DNAJC12: variants seen among roughly 807,000 people sequenced by gnomAD.
DNAJC12 encodes the protein DnaJ heat shock protein family (Hsp40) member C12.
Under a neutral mutation model 28.5 loss-of-function variants are expected in DNAJC12, and 25 were observed. That is an observed-to-expected ratio of 0.88 (90% confidence interval 0.64 to 1.22). The LOEUF (loss-of-function observed/expected upper bound fraction) is 1.22. Ranked by LOEUF, DNAJC12 falls within the 50% of genes most tolerant of loss-of-function variation. The pLI, the probability that DNAJC12 is intolerant of heterozygous loss-of-function variation, is 0.00. For synonymous variants in DNAJC12, 77 were observed against 80.6 expected, an observed-to-expected ratio of 0.95 and a Z score of 0.24; for missense variants, 222 against 231.7, an observed-to-expected ratio of 0.96 and a Z score of 0.27.
intron 1 of DNAJC12, among the ~76,000 whole-genome samples, chr10:67,828,536 C>T (rs1479151562): frequency 6.6e-6 from 1 of 152,134 alleles, no homozygotes; most frequent in African/African-American, 2.4e-5. Context: ...CTGTAATTAA[C>T]TATGTGTTTC....
intron 1 of DNAJC12, among the ~76,000 whole-genome samples, chr10:67,833,098 TA>T (rs1225756264): frequency 2.6e-5 from 4 of 152,104 alleles, no homozygotes; most frequent in Admixed American, 2.6e-4. Flanking sequence ...TGGAGGTCAT[TA>T]AGGGTTAAGC....
At chr10:67,816,135 T>A in intron 2 of DNAJC12, 1 of 398,444 alleles carries the variant, frequency 2.5e-6, no homozygotes, top group Non-Finnish European at 4.4e-6. Context: ...TGGGTCTACC[T>A]TCAAAATATA....
chr10:67,801,713 C>G (rs1428962612), intron 4 of DNAJC12, among the ~76,000 whole-genome samples: 1 of 151,134 alleles, frequency 6.6e-6, no homozygotes, highest in Non-Finnish European at 1.5e-5. Flanking sequence ...TCTCTTGAAC[C>G]CAGGAGGTGG....
intron 4 of DNAJC12, among the ~76,000 whole-genome samples, chr10:67,800,545 G>T (rs551877283): frequency 1.3e-5 from 2 of 152,338 alleles, no homozygotes; most frequent in African/African-American, 2.4e-5. Context: ...GCCAGAGCAA[G>T]CCCTCTGGCA....
intron 2 of DNAJC12, among the ~76,000 whole-genome samples, chr10:67,813,155 G>A (rs1337940331): frequency 6.6e-6 from 1 of 152,120 alleles, no homozygotes; most frequent in Non-Finnish European, 1.5e-5. Flanking sequence ...CCTAATAAAA[G>A]AAACCCAGAC....
intron 4 of DNAJC12, among the ~76,000 whole-genome samples, chr10:67,797,569 G>A (rs561556136): frequency 2.0e-5 from 3 of 152,198 alleles, no homozygotes; most frequent in South Asian, 4.1e-4. Context: ...CAAAAGGATC[G>A]CTTGAAATAC....
chr10:67,798,448 G>C (rs140675973), intron 4 of DNAJC12, among the ~76,000 whole-genome samples: 5,396 of 152,132 alleles, frequency 0.035, 125 homozygotes, highest in Middle Eastern at 0.078. Flanking sequence ...GGGAGGCCGA[G>C]GCAGGTGCCT....
intron 2 of DNAJC12, among the ~76,000 whole-genome samples, chr10:67,819,363 G>A (rs925664365): frequency 6.6e-6 from 1 of 151,840 alleles, no homozygotes; most frequent in Non-Finnish European, 1.5e-5. Flanking sequence ...TTCGGGCTAG[G>A]CTCGGTGGCA....
chr10:67,833,937 A>G, intron 1 of DNAJC12: 13 of 471,200 alleles, frequency 2.8e-5, no homozygotes, highest in South Asian at 1.9e-4. Flanking sequence ...ACCCAAAATG[A>G]CAAAACAAGA....
intron 1 of DNAJC12, among the ~76,000 whole-genome samples, chr10:67,826,495 A>G (rs894666484): frequency 1.4e-5 from 2 of 145,192 alleles, no homozygotes; most frequent in African/African-American, 5.0e-5. Context: ...ATGCTTATAT[A>G]TATGCATATA....
chr10:67,810,508 G>A lies in DNAJC12; in HGVS notation c.297+1016C>T, dbSNP rs118182469. 7.6e-3 allele frequency among the ~76,000 whole-genome samples: 1,154 copies of A among 152,236 alleles called. 7 individuals are homozygous for A. Among genetic ancestry groups the A allele is most frequent in the Non-Finnish European group, 0.012 (836 of 68,004 alleles). ...GATTTGTCCTGCCTTGTGGGTATAG[G>A]GACTAATAATGTTCCCAAACAATGC... On this transcript the variant is annotated intron_variant, in intron 3 of 4. Coordinates refer to ENST00000225171, the MANE Select transcript of DNAJC12 (RefSeq NM_021800.3).
chr10:67,820,778 T>G (rs1333035255), intron 2 of DNAJC12, among the ~76,000 whole-genome samples: 1 of 11,160 alleles, frequency 9.0e-5, no homozygotes, highest in Non-Finnish European at 3.0e-4. Context: ...TCTTTTTTCC[T>G]TTTTTTTTTT....
intron 4 of DNAJC12, among the ~76,000 whole-genome samples, chr10:67,800,851 G>A (rs868215895): frequency 3.3e-4 from 50 of 152,042 alleles, no homozygotes; most frequent in African/African-American, 1.1e-3. Context: ...GGCTGAGGCA[G>A]GAGAATAGCT....
At chr10:67,809,816 A>G (rs982641805) in intron 3 of DNAJC12, among the ~76,000 whole-genome samples, 2 of 152,182 alleles carry the variant, frequency 1.3e-5, no homozygotes, top group Non-Finnish European at 2.9e-5. Context: ...AGAGTGGTAT[A>G]ATATAATGGA....
intron 2 of DNAJC12, among the ~76,000 whole-genome samples, chr10:67,819,757 A>AGGGAGGGAGG (rs1386763255): frequency 3.1e-4 from 5 of 16,090 alleles, no homozygotes; most frequent in East Asian, 1.5e-3. Context: ...GAAGGAAGGA[A>AGGGAGGGAGG]GGAAGGAAGG....
chr10:67,819,124 G>C (rs1246932151), intron 2 of DNAJC12, among the ~76,000 whole-genome samples: 2 of 152,088 alleles, frequency 1.3e-5, no homozygotes, highest in Non-Finnish European at 2.9e-5. Context: ...ACGAGGTCAG[G>C]AGATTGAGAC....
chr10:67,823,025 T>C (rs1841995443), intron 2 of DNAJC12, among the ~76,000 whole-genome samples: 1 of 151,500 alleles, frequency 6.6e-6, no homozygotes, highest in African/African-American at 2.4e-5. Context: ...GTTACAAATA[T>C]ACTTAAGTTA....
At chr10:67,821,063 G>A in intron 2 of DNAJC12, among the ~76,000 whole-genome samples, 1 of 151,886 alleles carries the variant, frequency 6.6e-6, no homozygotes, top group Non-Finnish European at 1.5e-5. Flanking sequence ...AATTACAGGT[G>A]TGAGCCACTG....
intron 1 of DNAJC12, among the ~76,000 whole-genome samples, chr10:67,830,469 G>A (rs1395992290): frequency 6.6e-6 from 1 of 151,238 alleles, no homozygotes; most frequent in Non-Finnish European, 1.5e-5. Flanking sequence ...TTAGCTGGGC[G>A]TGGTGGCAGG....
Sources: allele counts gnomAD v4.1 joint callset (sites outside exome capture counted in the v4.1 genomes callset), GRCh38; gene constraint gnomAD v4.1.1; transcripts MANE v1.5; gene names NCBI Gene and HGNC (gene_info 2026-07-23, HGNC 2026-07-21).